Variants in FAM76A observed in about 807,000 individuals in gnomAD.
FAM76A encodes protein FAM76A.
FAM76A carries 32 observed loss-of-function variants against 46.2 expected under a neutral mutation model. The ratio of observed to expected loss-of-function variants is 0.69; its 90% CI spans 0.52 to 0.93. FAM76A has a LOEUF of 0.93. Among genes scored for constraint, FAM76A ranks in the 40% least tolerant of loss-of-function variants. The pLI, the probability that FAM76A is intolerant of heterozygous loss-of-function variation, is 0.00. For missense variants in FAM76A, 274 were observed against 361.5 expected (o/e 0.76, Z 1.96); for synonymous variants, 137 against 127.0 (o/e 1.08, Z -0.53).
At chr1:27,745,174 A>T (rs1269575090) in intron 5 of FAM76A, among the ~76,000 whole-genome samples, 2 of 152,022 alleles carry the variant, frequency 1.3e-5, no homozygotes, top group Non-Finnish European at 1.5e-5. Flanking sequence ...TAGATGTCCT[A>T]GGTTTGTCCT....
At chr1:27,751,578 C>T (rs1274219162) in intron 6 of FAM76A, among the ~76,000 whole-genome samples, 1 of 151,092 alleles carries the variant, frequency 6.6e-6, no homozygotes, top group Non-Finnish European at 1.5e-5. Flanking sequence ...GATCTTGGCT[C>T]ACTGCAGCCT....
intron 5 of FAM76A, among the ~76,000 whole-genome samples, chr1:27,748,131 T>TG (rs2088272243): frequency 7.2e-6 from 1 of 139,656 alleles, no homozygotes; most frequent in African/African-American, 2.9e-5. Context: ...TTTTTTTTTT[T>TG]TTTTTTTTTT....
intron 2 of FAM76A, among the ~76,000 whole-genome samples, chr1:27,730,914 G>A (rs2148565496): frequency 6.6e-6 from 1 of 151,086 alleles, no homozygotes; most frequent in Admixed American, 6.6e-5. Context: ...CTCCCAGGCT[G>A]AGCCTCCTAA....
chr1:27,747,875 G>A (rs1437257999), intron 5 of FAM76A, among the ~76,000 whole-genome samples: 5 of 151,980 alleles, frequency 3.3e-5, no homozygotes, highest in Non-Finnish European at 5.9e-5. Context: ...AACCAGGATC[G>A]TGCCACTGCA....
At chr1:27,739,496 A>C in intron 4 of FAM76A, 2 of 382,526 alleles carry the variant, frequency 5.2e-6, no homozygotes, top group East Asian at 6.9e-5. Context: ...ATAAAAAAAA[A>C]CTGCATATGG....
At chr1:27,731,523 T>A (rs939331144) in intron 2 of FAM76A, among the ~76,000 whole-genome samples, 4 of 152,034 alleles carry the variant, frequency 2.6e-5, no homozygotes, top group Non-Finnish European at 4.4e-5. Context: ...TGACAAAATA[T>A]TTGATCATAG....
At chr1:27,744,601 G>A in intron 4 of FAM76A, 53 bp from the exon 5 acceptor site, 1 of 1,592,714 alleles carries the variant, frequency 6.3e-7, no homozygotes, top group Non-Finnish European at 8.6e-7. Flanking sequence ...TACCACGTTT[G>A]CAGCCACTGC....
chr1:27,727,068 C>T (rs1258814616), intron 1 of FAM76A, among the ~76,000 whole-genome samples: 1 of 151,926 alleles, frequency 6.6e-6, no homozygotes, highest in African/African-American at 2.4e-5. Flanking sequence ...CCTTTTTGGC[C>T]TCAAAATATG....
In FAM76A at chr1:27,760,997, A is replaced by G. The variant is rs2088501302; in HGVS notation, c.*416A>G. 7.0e-6 allele frequency: 1 copy of G among 142,744 alleles called. No homozygotes were observed. The highest frequency in any genetic ancestry group is 2.7e-5 in the African/African-American group (1 of 37,632). The allele number at this position is 142,744 out of a possible 1,614,324, so 8.8% of individuals were successfully genotyped here. A position where few individuals can be genotyped will look rare whatever the true frequency, so the allele number is the denominator to read the frequency against. On this transcript the variant is annotated 3_prime_UTR_variant, in exon 9 of 9. Transcript: ENST00000373954. ...ATTGCATCCTGCCATACCCATGAGC[A>G]AACAGTTTGGCATTAATTATATATC...
At chr1:27,730,039 A>G (rs2087928251) in intron 2 of FAM76A, among the ~76,000 whole-genome samples, 1 of 152,166 alleles carries the variant, frequency 6.6e-6, no homozygotes, top group Non-Finnish European at 1.5e-5. Context: ...TTTATATGTT[A>G]GCTCTTAAAT....
chr1:27,728,402 G>A (rs1020468522), intron 2 of FAM76A, among the ~76,000 whole-genome samples: 3 of 151,916 alleles, frequency 2.0e-5, no homozygotes, highest in African/African-American at 7.2e-5. Flanking sequence ...AGTCAGGTTG[G>A]GGTGCAGTGG....
rs778742690 is a variant in FAM76A, at chr1:27,744,750, C to G, written c.451C>G (p.Arg151Gly). The G allele has an allele frequency of 1.2e-6, 2 of 1,614,144 alleles. No individual in the cohort carries two copies. Among genetic ancestry groups the G allele is most frequent in the Non-Finnish European group, 1.7e-6 (2 of 1,180,028 alleles). ...EQRKHLSSSS[R>G]AGHQEKEQYS... ...GAGGAAACACCTGAGTAGCTCTTCTCGTGCTGGCCACCAGGAGAAGGAGCA... is the reference window on the plus strand; with the variant it reads ...GAGGAAACACCTGAGTAGCTCTTCTGGTGCTGGCCACCAGGAGAAGGAGCA... The change falls in exon 5 of 9, where the codon CGT becomes GGT. Residue 151 changes from arginine (R) to glycine (G), a missense_variant. Coordinates refer to ENST00000373954, the MANE Select transcript of FAM76A (RefSeq NM_152660.3).
intron 7 of FAM76A, among the ~76,000 whole-genome samples, chr1:27,758,799 T>C (rs2088458665): frequency 6.7e-6 from 1 of 150,276 alleles, no homozygotes; most frequent in South Asian, 2.2e-4. Flanking sequence ...ATTACAGGCA[T>C]GAGCCACCAC....
At chr1:27,754,994 G>T (rs2088386312) in intron 6 of FAM76A, among the ~76,000 whole-genome samples, 1 of 152,144 alleles carries the variant, frequency 6.6e-6, no homozygotes, top group South Asian at 2.1e-4. Flanking sequence ...GCTTTGGTTC[G>T]TAGAGTTATC....
At chr1:27,745,250 A>G (rs2088223393) in intron 5 of FAM76A, among the ~76,000 whole-genome samples, 1 of 152,038 alleles carries the variant, frequency 6.6e-6, no homozygotes, top group Admixed American at 6.6e-5. Context: ...AGTATCTAGT[A>G]TTGTTAACGG....
chr1:27,749,247 C>A, intron 6 of FAM76A, 93 bp downstream of exon 6: 1 of 725,412 alleles, frequency 1.4e-6, no homozygotes, highest in Non-Finnish European at 2.2e-6. Flanking sequence ...TGGAATTAGT[C>A]TGTGGCTGTC....
chr1:27,734,045 G>A lies in FAM76A; in HGVS notation c.216G>A (p.Gln72=), dbSNP rs770003682. 1 of 1,608,762 alleles carries A rather than the reference G, an allele frequency of 6.2e-7. No homozygotes were observed. Among genetic ancestry groups the A allele is most frequent in the Non-Finnish European group, 8.5e-7 (1 of 1,178,984 alleles). Residue 72 remains glutamine, a synonymous_variant, in exon 4 of 9, where the codon CAG becomes CAA. Transcript: ENST00000373954. ...CCCCTTTTAAGCCCAAACCTTGTCA[G>A]TATTGCAACATAATTGCAGCATTTA... The part of the protein sequence containing the change: ...VQLYGTPKPC[Q]YCNIIAAFIG...
intron 4 of FAM76A, among the ~76,000 whole-genome samples, chr1:27,741,935 G>A (rs1179513186): frequency 2.6e-5 from 4 of 151,916 alleles, no homozygotes; most frequent in African/African-American, 7.2e-5. Flanking sequence ...GAAACCCTTT[G>A]GCGGCTATGG....
At chr1:27,754,008 G>C (rs2088370635) in intron 6 of FAM76A, among the ~76,000 whole-genome samples, 1 of 151,714 alleles carries the variant, frequency 6.6e-6, no homozygotes, top group African/African-American at 2.4e-5. Context: ...TGAAAGCTAT[G>C]GATCCTCACT....
Sources: gnomAD v4.1 joint callset for allele counts (sites outside exome capture counted in the v4.1 genomes callset) on GRCh38, gnomAD v4.1.1 for gene constraint, MANE v1.5 for transcripts, NCBI Gene and HGNC (gene_info 2026-07-23, HGNC 2026-07-21) for gene names.